EDAR: variants seen among roughly 807,000 people sequenced by gnomAD.
The protein encoded by EDAR is ectodysplasin A receptor.
A neutral mutation model predicts 51.3 loss-of-function variants in EDAR; 38 were observed. The observed-to-expected ratio is 0.74, with a 90% CI of 0.57 to 0.97. The LOEUF (loss-of-function observed/expected upper bound fraction) is 0.97. Ranked by LOEUF, EDAR falls within the 50% of genes least tolerant of loss-of-function variation. The pLI is 0.00. For synonymous variants in EDAR, 227 were observed against 242.1 expected, an observed-to-expected ratio of 0.94 and a Z score of 0.58; for missense variants, 528 against 595.0, an observed-to-expected ratio of 0.89 and a Z score of 1.17.
Position 108,923,639 on chromosome 2 carries a change from G to A in EDAR, c.357-186C>T, listed in dbSNP as rs144922479. On this transcript the variant is annotated intron_variant, in intron 4 of 11. Coordinates refer to ENST00000258443, the MANE Select transcript of EDAR (RefSeq NM_022336.4). ...GGGTTTCAGCCTGTCTTGAAATGGA[G>A]CATTCTTTTAACAATATTGAGCTGC... Among the ~76,000 whole-genome samples, 56 of 152,354 alleles carry A rather than the reference G, an allele frequency of 3.7e-4. 1 individual carries two copies. The East Asian group carries it at 0.01, about 28-fold the overall frequency.
chr2:108,958,418 A>AC (rs1697965803), intron 1 of EDAR, among the ~76,000 whole-genome samples: 2 of 151,532 alleles, frequency 1.3e-5, no homozygotes, highest in African/African-American at 4.9e-5. Context: ...GGAAAAAAAA[A>AC]ACAAAAAACA....
intron 1 of EDAR, among the ~76,000 whole-genome samples, chr2:108,968,845 C>G (rs1427367335): frequency 2.0e-5 from 3 of 152,234 alleles, no homozygotes; most frequent in African/African-American, 7.2e-5. Context: ...CTGAGCTTCA[C>G]TCTGCTATGC....
At chr2:108,971,756 C>T (rs1057358528) in intron 1 of EDAR, among the ~76,000 whole-genome samples, 2 of 152,196 alleles carry the variant, frequency 1.3e-5, no homozygotes, top group Admixed American at 1.3e-4. Flanking sequence ...AACACATACA[C>T]AAACTCTTTG....
intron 11 of EDAR, among the ~76,000 whole-genome samples, chr2:108,902,429 CT>C (rs1468105405): frequency 6.6e-6 from 1 of 152,078 alleles, no homozygotes; most frequent in Non-Finnish European, 1.5e-5. Flanking sequence ...TCTCTAGGTC[CT>C]CACGATTTCA....
At chr2:108,944,314 A>G (rs1225185305) in intron 1 of EDAR, among the ~76,000 whole-genome samples, 1 of 152,154 alleles carries the variant, frequency 6.6e-6, no homozygotes, top group Non-Finnish European at 1.5e-5. Context: ...GGGTTTCACC[A>G]TGTTGGCGGG....
At chr2:108,919,368 T>C (rs1697089696) in intron 5 of EDAR, among the ~76,000 whole-genome samples, 1 of 152,166 alleles carries the variant, frequency 6.6e-6, no homozygotes, top group Non-Finnish European at 1.5e-5. Flanking sequence ...TATTTATTTA[T>C]TTATTTAGAG....
chr2:108,903,225 G>T (rs76269712), intron 11 of EDAR, among the ~76,000 whole-genome samples: 6,227 of 151,892 alleles, frequency 0.041, 425 homozygotes, highest in African/African-American at 0.14. Flanking sequence ...CAATGCAGAT[G>T]AAAAAAAATT....
intron 11 of EDAR, among the ~76,000 whole-genome samples, chr2:108,904,028 CTA>C (rs1442473566): frequency 1.3e-5 from 2 of 152,018 alleles, no homozygotes; most frequent in African/African-American, 4.8e-5. Context: ...ATAAGCTAAA[CTA>C]TAGAATGGAG....
intron 1 of EDAR, among the ~76,000 whole-genome samples, chr2:108,982,650 T>A (rs988431264): frequency 2.0e-5 from 3 of 152,224 alleles, no homozygotes; most frequent in Admixed American, 6.5e-5. Context: ...GTGTGTGGTC[T>A]GTTTGGATAA....
At chr2:108,962,674 CAAAAAA>C (rs66741499) in intron 1 of EDAR, among the ~76,000 whole-genome samples, 10 of 66,886 alleles carry the variant, frequency 1.5e-4, no homozygotes, top group South Asian at 1.3e-3. Context: ...GACTCTGTCT[CAAAAAA>C]AAAAAAAAAA....
intron 3 of EDAR, 22 bp from the exon 4 acceptor site, chr2:108,929,401 G>A: frequency 1.2e-6 from 2 of 1,613,436 alleles, no homozygotes; most frequent in East Asian, 2.2e-5. Context: ...AAGAGGACAG[G>A]GGACACAGGT....
rs982412899 is a variant in EDAR, at chr2:108,934,351, G to T, written c.-18-3319C>A. 4.6e-5 allele frequency among the ~76,000 whole-genome samples: 7 copies of T among 152,250 alleles called. No individual in the cohort carries two copies. In the East Asian group the frequency reaches 1.2e-3, roughly 25 times the overall value. On this transcript the variant is annotated intron_variant, in intron 1 of 11. Coordinates refer to ENST00000258443, the MANE Select transcript of EDAR (RefSeq NM_022336.4). ...GCTGGGGGGCTGACGGCTCCCAGTC[G>T]TGATCTCCTGTTTGTTTTACTTTGG...
At chr2:108,967,223 C>A (rs571379098) in intron 1 of EDAR, among the ~76,000 whole-genome samples, 142 of 152,328 alleles carry the variant, frequency 9.3e-4, no homozygotes, top group African/African-American at 3.3e-3. Flanking sequence ...GCATGAGCCA[C>A]TGCACCCGGC....
At chr2:108,969,705 T>TA (rs1698205145) in intron 1 of EDAR, among the ~76,000 whole-genome samples, 1 of 152,200 alleles carries the variant, frequency 6.6e-6, no homozygotes, top group Non-Finnish European at 1.5e-5. Context: ...ATCTCAGTGC[T>TA]GAAAGAAATA....
intron 1 of EDAR, among the ~76,000 whole-genome samples, chr2:108,942,165 G>C (rs73952566): frequency 1.3e-5 from 2 of 152,176 alleles, no homozygotes; most frequent in Non-Finnish European, 2.9e-5. Context: ...AGCGCCAGAC[G>C]TGTCACTAAA....
At chr2:108,984,757 T>G (rs1484927234) in intron 1 of EDAR, among the ~76,000 whole-genome samples, 1 of 152,174 alleles carries the variant, frequency 6.6e-6, no homozygotes, top group African/African-American at 2.4e-5. Flanking sequence ...CTAAGCTCTG[T>G]GAGTGCAGGG....
rs1696602877 is a variant in EDAR at position 108,896,802 on chromosome 2, T to C, written c.*105A>G. The C allele has an allele frequency of 8.6e-7, 1 of 1,163,246 alleles. No individual in the cohort carries two copies. Among genetic ancestry groups the C allele is most frequent in the Admixed American group, 2.1e-5 (1 of 46,646 alleles). 72.1% of individuals were successfully genotyped at this position (1,163,246 alleles called of 1,614,324 possible). A position where few individuals can be genotyped will look rare whatever the true frequency, so the allele number is the denominator to read the frequency against. ...ACATCCTAAGGCATACGGTGACATA[T>C]CACAAAAGCCTTGATTCTTGGCAGT... is the stretch of plus-strand genomic sequence containing the variant. On this transcript the variant is annotated 3_prime_UTR_variant, in exon 12 of 12. Transcript: ENST00000258443.
chr2:108,960,293 CTT>C (rs1182516397), intron 1 of EDAR, among the ~76,000 whole-genome samples: 2 of 152,224 alleles, frequency 1.3e-5, no homozygotes, highest in Non-Finnish European at 2.9e-5. Context: ...TGGTTTGACA[CTT>C]TCCTAGGAGA....
At chr2:108,916,925 G>A (rs1697039236) in intron 5 of EDAR, among the ~76,000 whole-genome samples, 1 of 152,164 alleles carries the variant, frequency 6.6e-6, no homozygotes, top group Non-Finnish European at 1.5e-5. Flanking sequence ...TGCCCAAGGA[G>A]CAGGAGGACA....
Sources: allele counts gnomAD v4.1 joint callset (sites outside exome capture counted in the v4.1 genomes callset), GRCh38; gene constraint gnomAD v4.1.1; transcripts MANE v1.5; gene names NCBI Gene and HGNC (gene_info 2026-07-23, HGNC 2026-07-21).